The following SLAIN2 variants were observed in gnomAD, a reference collection of about 807,000 sequenced individuals.
SLAIN2 encodes SLAIN family member 2.
In SLAIN2, 31 loss-of-function variants were observed where a neutral mutation model predicts 56.6. That is an observed-to-expected ratio of 0.55 (90% CI 0.41 to 0.74). SLAIN2 has a LOEUF of 0.74. Ranked by LOEUF, SLAIN2 falls within the 30% of genes least tolerant of loss-of-function variation. The pLI, the probability that SLAIN2 is intolerant of heterozygous loss-of-function variation, is 0.00. For synonymous variants in SLAIN2, 317 were observed against 284.9 expected (o/e 1.11, Z -1.13); for missense variants, 777 against 754.2 (o/e 1.03, Z -0.35).
At chr4:48,419,030 A>G (rs1717075112) in intron 6 of SLAIN2, among the ~76,000 whole-genome samples, 1 of 151,672 alleles carries the variant, frequency 6.6e-6, no homozygotes, top group Admixed American at 6.6e-5. Context: ...GTTGATGGAC[A>G]TTTGAGCTTT....
At chr4:48,394,760 T>C (rs928929146) in intron 6 of SLAIN2, 2 of 770,106 alleles carry the variant, frequency 2.6e-6, no homozygotes, top group African/African-American at 1.8e-5. Flanking sequence ...CATTTTAGTC[T>C]TATTTTAAAG....
intron 6 of SLAIN2, among the ~76,000 whole-genome samples, chr4:48,410,345 A>T (rs1716810731): frequency 6.6e-6 from 1 of 151,128 alleles, no homozygotes; most frequent in South Asian, 2.1e-4. Context: ...CCCATATCAG[A>T]TCCATGATTT....
At chr4:48,372,122 A>G (rs900012014) in intron 2 of SLAIN2, among the ~76,000 whole-genome samples, 3 of 152,118 alleles carry the variant, frequency 2.0e-5, no homozygotes, top group Non-Finnish European at 1.5e-5. Flanking sequence ...CTTAGAAATA[A>G]TATAATTTAC....
At chr4:48,411,835 C>T (rs1716855372) in intron 6 of SLAIN2, among the ~76,000 whole-genome samples, 1 of 152,162 alleles carries the variant, frequency 6.6e-6, no homozygotes, top group Non-Finnish European at 1.5e-5. Context: ...TCCTCTGCTT[C>T]CTTCTGCACA....
intron 6 of SLAIN2, among the ~76,000 whole-genome samples, chr4:48,395,799 G>A (rs1362993374): frequency 4.3e-5 from 5 of 115,530 alleles, no homozygotes; most frequent in African/African-American, 1.7e-4. Flanking sequence ...GACTTATTTG[G>A]GAACCTTAGG....
At chr4:48,378,596 T>G (rs1715889216) in intron 3 of SLAIN2, among the ~76,000 whole-genome samples, 1 of 152,190 alleles carries the variant, frequency 6.6e-6, no homozygotes, top group South Asian at 2.1e-4. Context: ...ACCCATTTAT[T>G]TACTCTTATT....
intron 1 of SLAIN2, among the ~76,000 whole-genome samples, chr4:48,367,867 A>G (rs1715560391): frequency 1.3e-5 from 2 of 152,070 alleles, no homozygotes; most frequent in Non-Finnish European, 2.9e-5. Flanking sequence ...CCATTACCAT[A>G]ATTATCACTA....
chr4:48,400,593 G>A (rs1006092408), intron 6 of SLAIN2, among the ~76,000 whole-genome samples: 1 of 151,676 alleles, frequency 6.6e-6, no homozygotes, highest in Non-Finnish European at 1.5e-5. Context: ...GTAGAGATGG[G>A]GTTTCACTAT....
intron 6 of SLAIN2, among the ~76,000 whole-genome samples, chr4:48,404,997 C>T (rs1003049211): frequency 1.3e-5 from 2 of 152,194 alleles, no homozygotes; most frequent in Non-Finnish European, 2.9e-5. Flanking sequence ...CTCTCCATAT[C>T]TTGATGTTGT....
intron 6 of SLAIN2, among the ~76,000 whole-genome samples, chr4:48,408,772 G>A: frequency 6.6e-6 from 1 of 151,844 alleles, no homozygotes. Flanking sequence ...TGTAGCTTAA[G>A]TGTGTAGTAT....
intron 2 of SLAIN2, among the ~76,000 whole-genome samples, 195 bp downstream of exon 2, chr4:48,370,192 T>A (rs1390091802): frequency 3.9e-5 from 6 of 152,198 alleles, no homozygotes; most frequent in Non-Finnish European, 8.8e-5. Flanking sequence ...TTTAAAAAAA[T>A]CTTGTTTTTA....
chr4:48,418,556 A>G (rs1246583418), intron 6 of SLAIN2, among the ~76,000 whole-genome samples: 1 of 151,498 alleles, frequency 6.6e-6, no homozygotes, highest in Non-Finnish European at 1.5e-5. Context: ...ATTTTCTAAT[A>G]TTTTTTTAAG....
Position 48,342,107 on chromosome 4 carries a change from GGGAGGA to G in SLAIN2, c.379_384del (p.Glu127_Glu128del). Reference sequence around the variant, plus strand: ...GACGAGCTGGAGCGCCTGTCAGGCTGGGAGGAGGAGGAGGAGAGCTGGTGAGCGCGA... The same window carrying G: ...GACGAGCTGGAGCGCCTGTCAGGCTGGGAGGAGGAGAGCTGGTGAGCGCGA... On this transcript the variant is annotated inframe_deletion, in exon 1 of 8. Transcript: ENST00000264313. 7.4e-7 allele frequency: 1 copy of G among 1,349,966 alleles called. No individual in the cohort carries two copies. Among genetic ancestry groups the G allele is most frequent in the Non-Finnish European group, 9.5e-7 (1 of 1,055,036 alleles). The allele number at this position is 1,349,966 out of a possible 1,614,324, so 83.6% of individuals were successfully genotyped here.
intron 1 of SLAIN2, among the ~76,000 whole-genome samples, chr4:48,366,205 C>G (rs1715515358): frequency 6.6e-6 from 1 of 152,150 alleles, no homozygotes; most frequent in Non-Finnish European, 1.5e-5. Context: ...TTTAAAAATT[C>G]AGTAAGACTT....
intron 1 of SLAIN2, among the ~76,000 whole-genome samples, chr4:48,348,616 G>A (rs1411462226): frequency 4.0e-5 from 6 of 151,530 alleles, no homozygotes; most frequent in Non-Finnish European, 7.4e-5. Context: ...CTTGAATCCG[G>A]GAGGCAGAGG....
At chr4:48,368,370 A>C (rs1414607123) in intron 1 of SLAIN2, among the ~76,000 whole-genome samples, 1 of 152,030 alleles carries the variant, frequency 6.6e-6, no homozygotes, top group African/African-American at 2.4e-5. Context: ...CCTGCTTTGC[A>C]CTTTTTAAAA....
At chr4:48,389,588 G>C (rs1176140408) in intron 6 of SLAIN2, among the ~76,000 whole-genome samples, 2 of 152,222 alleles carry the variant, frequency 1.3e-5, no homozygotes, top group African/African-American at 4.8e-5. Flanking sequence ...GCAGTGTGAA[G>C]GGATTTTCAG....
rs558774231 is a variant in SLAIN2 at position 48,358,328 on chromosome 4, T to G, written c.390-11521T>G. On this transcript the variant is annotated intron_variant, in intron 1 of 7. Coordinates refer to ENST00000264313, the MANE Select transcript of SLAIN2 (RefSeq NM_020846.2). ...TGTTACATTGACTAACAAAGCTTTT[T>G]TTTTTTTTGAGACGGAGTTTCACTC... 1.9e-3 allele frequency among the ~76,000 whole-genome samples: 287 copies of G among 152,222 alleles called. 2 individuals are homozygous for G. Among genetic ancestry groups the G allele is most frequent in the African/African-American group, 6.2e-3 (258 of 41,550 alleles).
chr4:48,371,300 C>T (rs1442298734), intron 2 of SLAIN2, among the ~76,000 whole-genome samples: 15 of 151,656 alleles, frequency 9.9e-5, no homozygotes, highest in African/African-American at 2.4e-4. Flanking sequence ...CTTGAACTCC[C>T]GACCTCAGGT....
Sources: allele counts gnomAD v4.1 joint callset (sites outside exome capture counted in the v4.1 genomes callset), GRCh38; gene constraint gnomAD v4.1.1; transcripts MANE v1.5; gene names NCBI Gene and HGNC (gene_info 2026-07-23, HGNC 2026-07-21).